DLGAP2: variants seen among roughly 807,000 people sequenced by gnomAD.
DLGAP2 encodes the protein disks large-associated protein 2.
In DLGAP2, 26 loss-of-function variants were observed where a neutral mutation model predicts 100.3. The observed-to-expected ratio is 0.26, with a 90% CI of 0.19 to 0.36. The LOEUF (loss-of-function observed/expected upper bound fraction) is 0.36, where lower values mean the gene tolerates loss of function less well. Among genes scored for constraint, DLGAP2 ranks in the 10% least tolerant of loss-of-function variants. DLGAP2 has a pLI of 1.00. For synonymous variants in DLGAP2, 886 were observed against 630.1 expected, an observed-to-expected ratio of 1.41 and a Z score of -6.08; for missense variants, 1,858 against 1,453.2, an observed-to-expected ratio of 1.28 and a Z score of -4.53.
intron 1 of DLGAP2, among the ~76,000 whole-genome samples, chr8:756,651 G>A (rs941546653): frequency 2.0e-5 from 3 of 152,048 alleles, no homozygotes; most frequent in African/African-American, 2.4e-5. Context: ...AGATCGTCTG[G>A]TCAGGCCTCA....
intron 3 of DLGAP2, among the ~76,000 whole-genome samples, chr8:1,433,883 A>G (rs1271017385): frequency 2.0e-5 from 3 of 152,068 alleles, no homozygotes; most frequent in Non-Finnish European, 4.4e-5. Context: ...CATGGAATCC[A>G]GTGCTGTCCA....
intron 4 of DLGAP2, among the ~76,000 whole-genome samples, chr8:1,524,196 C>T (rs1443255936): frequency 6.6e-6 from 1 of 152,102 alleles, no homozygotes; most frequent in Non-Finnish European, 1.5e-5. Flanking sequence ...GCGTCGGGGT[C>T]AGCCTCATGT....
chr8:1,365,478 A>C (rs1459009583), intron 3 of DLGAP2, among the ~76,000 whole-genome samples: 3 of 152,166 alleles, frequency 2.0e-5, no homozygotes, highest in Admixed American at 2.0e-4. Flanking sequence ...AATGAAGAAG[A>C]AACTGCAGTT....
intron 1 of DLGAP2, among the ~76,000 whole-genome samples, chr8:764,889 A>G (rs1246295231): frequency 6.6e-6 from 1 of 152,262 alleles, no homozygotes; most frequent in East Asian, 1.9e-4. Context: ...CAGATGTTTC[A>G]TATCTAACCT....
At position 1,683,861 on chromosome 8, in the gene DLGAP2, T is replaced by TATATATATATATATATATATATA. The variant is rs1799030736; in HGVS notation, c.2704+5232_2704+5233insATATATATATATATATATATATA. Among the ~76,000 whole-genome samples, 6 of 53,222 alleles carry TATATATATATATATATATATATA rather than the reference T, an allele frequency of 1.1e-4. 1 individual carries two copies. Among genetic ancestry groups the TATATATATATATATATATATATA allele is most frequent in the East Asian group, 1.5e-3 (2 of 1,320 alleles). The allele number at this position is 53,222 out of a possible 152,430, so 34.9% of individuals were successfully genotyped here. On this transcript the variant is annotated intron_variant, in intron 12 of 14. Coordinates refer to ENST00000637795, the MANE Select transcript of DLGAP2 (RefSeq NM_001346810.2). ...ATATATATATATATATATATATGTG[T>TATATATATATATATATATATATA]GTGTGTGTGTGTGTGTGTGTGTGTG...
chr8:1,601,674 C>T (rs2130704150), intron 6 of DLGAP2, among the ~76,000 whole-genome samples: 1 of 152,256 alleles, frequency 6.6e-6, no homozygotes, highest in South Asian at 2.1e-4. Context: ...GCCTCTCCGC[C>T]TCGGCCCACA....
chr8:1,683,962 A>ATGTG lies in DLGAP2; in HGVS notation c.2704+5334_2704+5335insGTGT, dbSNP rs1342305980. ...TGTATATATATATGTGTGTATATAT[A>ATGTG]TATATATATATATATATATATATAT... On this transcript the variant is annotated intron_variant, in intron 12 of 14. Coordinates refer to ENST00000637795, the MANE Select transcript of DLGAP2 (RefSeq NM_001346810.2). Among the ~76,000 whole-genome samples the ATGTG allele has an allele frequency of 1.3e-4, 11 of 85,656 alleles. 1 individual carries two copies. The East Asian group carries it at 1.8e-3, about 14-fold the overall frequency. 56.2% of individuals were successfully genotyped at this position (85,656 alleles called of 152,430 possible). A position where few individuals can be genotyped will look rare whatever the true frequency, so the allele number is the denominator to read the frequency against.
chr8:1,061,551 C>T (rs547616740), intron 2 of DLGAP2, among the ~76,000 whole-genome samples: 37 of 152,110 alleles, frequency 2.4e-4, no homozygotes, highest in African/African-American at 7.5e-4. Flanking sequence ...TGGGGTAAGA[C>T]GTGTGTGGAC....
chr8:1,029,875 A>G (rs997463463), intron 2 of DLGAP2, among the ~76,000 whole-genome samples: 13 of 152,154 alleles, frequency 8.5e-5, no homozygotes, highest in South Asian at 6.2e-4. Flanking sequence ...GCTTATTTCA[A>G]TCTTGACAGA....
chr8:883,580 CCGCGGCGGTTCGTTA>C, intron 1 of DLGAP2, among the ~76,000 whole-genome samples: 1 of 151,330 alleles, frequency 6.6e-6, no homozygotes, highest in Admixed American at 6.6e-5. Context: ...TACGCGTGTG[CCGCGGCGGTTCGTTA>C]CATAGGAACG....
intron 3 of DLGAP2, among the ~76,000 whole-genome samples, chr8:1,342,231 GC>G (rs1801434227): frequency 6.6e-6 from 1 of 152,128 alleles, no homozygotes. Flanking sequence ...ACAGGTGTGA[GC>G]CACCGCACCT....
chr8:1,620,471 C>T (rs141071226), intron 6 of DLGAP2: 34 of 152,494 alleles, frequency 2.2e-4, no homozygotes, highest in African/African-American at 7.5e-4. Flanking sequence ...CAGCCCTGCC[C>T]GTCACACTTG....
At chr8:1,358,053 G>T (rs148080786) in intron 3 of DLGAP2, among the ~76,000 whole-genome samples, 2 of 152,180 alleles carry the variant, frequency 1.3e-5, no homozygotes, top group African/African-American at 4.8e-5. Flanking sequence ...AGGTGCTCCA[G>T]GAGTGGGGGC....
intron 2 of DLGAP2, among the ~76,000 whole-genome samples, chr8:914,456 GT>G (rs1798549761): frequency 6.6e-6 from 1 of 152,240 alleles, no homozygotes; most frequent in Non-Finnish European, 1.5e-5. Flanking sequence ...GAACAAGGGG[GT>G]GTGGATCAAT....
chr8:1,110,230 C>T lies in DLGAP2; in HGVS notation c.74-148621C>T, dbSNP rs1295134924. Among the ~76,000 whole-genome samples, 6 of 109,622 alleles carry T rather than the reference C, an allele frequency of 5.5e-5. 1 individual carries two copies. The highest frequency in any genetic ancestry group is 8.7e-5 in the Non-Finnish European group (5 of 57,164). 71.9% of individuals were successfully genotyped at this position (109,622 alleles called of 152,430 possible). A position where few individuals can be genotyped will look rare whatever the true frequency, so the allele number is the denominator to read the frequency against. ...CTGTGAGGTGTGCATGGGTCTGTGA[C>T]GTGTGCTGGATCTGTGAGGTGTGCA... On this transcript the variant is annotated intron_variant, in intron 2 of 14. Coordinates refer to ENST00000637795, the MANE Select transcript of DLGAP2 (RefSeq NM_001346810.2).
intron 3 of DLGAP2, among the ~76,000 whole-genome samples, chr8:1,414,978 G>A (rs760850249): frequency 2.6e-5 from 4 of 151,884 alleles, no homozygotes; most frequent in Admixed American, 6.6e-5. Flanking sequence ...CCCTGCACTC[G>A]AGCCTGGGCA....
intron 1 of DLGAP2, among the ~76,000 whole-genome samples, chr8:818,237 A>C (rs7464517): frequency 0.43 from 65,439 of 151,902 alleles, 15,760 homozygotes; most frequent in Admixed American, 0.58. Context: ...CAGGGGGATT[A>C]TGGCTGCCTC....
intron 2 of DLGAP2, among the ~76,000 whole-genome samples, chr8:930,737 G>A (rs527447015): frequency 6.6e-6 from 1 of 152,194 alleles, no homozygotes; most frequent in Non-Finnish European, 1.5e-5. Context: ...ACTTCCTCCC[G>A]CTGTCTTCCA....
intron 1 of DLGAP2, among the ~76,000 whole-genome samples, chr8:889,927 G>A (rs1471245210): frequency 3.9e-5 from 6 of 152,178 alleles, no homozygotes; most frequent in Admixed American, 2.0e-4. Context: ...TGGGTTGCAC[G>A]GTTTTGTGGG....
Sources: gnomAD v4.1 joint callset for allele counts (sites outside exome capture counted in the v4.1 genomes callset) on GRCh38, gnomAD v4.1.1 for gene constraint, MANE v1.5 for transcripts, NCBI Gene and HGNC (gene_info 2026-07-23, HGNC 2026-07-21) for gene names.